Variants in OR2C1 observed in about 807,000 individuals in gnomAD.
OR2C1 encodes olfactory receptor family 2 subfamily C member 1.
For synonymous variants in OR2C1, 209 were observed against 167.3 expected (o/e 1.25, Z -1.92); for missense variants, 468 against 388.3 (o/e 1.21, Z -1.73).
At chr16:3,348,281 A>G in the OR2C1 span, among the ~76,000 whole-genome samples, 2 of 152,230 alleles carry the variant, frequency 1.3e-5, no homozygotes, top group Admixed American at 1.3e-4. Context: ...GCAGAGACCA[A>G]TGATGACAGT....
the OR2C1 span, among the ~76,000 whole-genome samples, chr16:3,325,873 A>G: frequency 6.6e-6 from 1 of 151,286 alleles, no homozygotes; most frequent in Non-Finnish European, 1.5e-5. Context: ...AGTATTAGTG[A>G]TGGAGATTAT....
chr16:3,343,209 T>C, the OR2C1 span, among the ~76,000 whole-genome samples: 1 of 152,158 alleles, frequency 6.6e-6, no homozygotes, highest in Non-Finnish European at 1.5e-5. Context: ...GAAATAAATA[T>C]ACCTATGCAC....
At chr16:3,332,237 TA>T in the OR2C1 span, among the ~76,000 whole-genome samples, 2 of 151,812 alleles carry the variant, frequency 1.3e-5, no homozygotes, top group Admixed American at 6.6e-5. Context: ...AATAATCAAT[TA>T]AAAAAATAAA....
chr16:3,354,703 C>A (rs2030630540), upstream of OR2C1, among the ~76,000 whole-genome samples: 1 of 152,198 alleles, frequency 6.6e-6, no homozygotes, highest in Non-Finnish European at 1.5e-5. Context: ...TTCTGGGGAG[C>A]TTTTCCAAAT....
chr16:3,348,760 A>T, the OR2C1 span, among the ~76,000 whole-genome samples: 12 of 152,178 alleles, frequency 7.9e-5, no homozygotes, highest in African/African-American at 2.7e-4. Context: ...CTTCTGTGAC[A>T]TCTAACGGCC....
the OR2C1 span, among the ~76,000 whole-genome samples, chr16:3,348,913 T>G: frequency 6.6e-6 from 1 of 152,068 alleles, no homozygotes; most frequent in African/African-American, 2.4e-5. Context: ...GGACTCCCCC[T>G]CTCTGCCCTT....
the OR2C1 span, among the ~76,000 whole-genome samples, chr16:3,333,211 A>ATTTTT: frequency 9.1e-5 from 6 of 65,846 alleles, no homozygotes; most frequent in Non-Finnish European, 1.7e-4. Flanking sequence ...TCTTTTGCCC[A>ATTTTT]TTTTTTTTTT....
At chr16:3,337,555 A>T in the OR2C1 span, among the ~76,000 whole-genome samples, 1 of 152,012 alleles carries the variant, frequency 6.6e-6, no homozygotes, top group East Asian at 1.9e-4. Flanking sequence ...TTAATTCGGC[A>T]AGTGTTATTT....
At chr16:3,338,423 T>C in the OR2C1 span, among the ~76,000 whole-genome samples, 1 of 152,028 alleles carries the variant, frequency 6.6e-6, no homozygotes, top group South Asian at 2.1e-4. Flanking sequence ...TAGGGGAGAT[T>C]TTTCCATGTG....
chr16:3,333,232 T>G, the OR2C1 span, among the ~76,000 whole-genome samples: 1,672 of 136,312 alleles, frequency 0.012, 89 homozygotes, highest in African/African-American at 0.042. Flanking sequence ...TTTTTTTTTT[T>G]TTTTTTTTTT....
the OR2C1 span, among the ~76,000 whole-genome samples, chr16:3,342,350 C>T: frequency 6.6e-6 from 1 of 152,138 alleles, no homozygotes; most frequent in Admixed American, 6.5e-5. Context: ...CAAAAAAGGT[C>T]AACATAGACC....
At chr16:3,350,346 C>T in the OR2C1 span, among the ~76,000 whole-genome samples, 2 of 151,060 alleles carry the variant, frequency 1.3e-5, no homozygotes, top group Non-Finnish European at 2.9e-5. Context: ...TGAGCCACCG[C>T]GCCCAGCCCA....
the OR2C1 span, among the ~76,000 whole-genome samples, chr16:3,333,228 T>TTTTG: frequency 1.6e-5 from 2 of 123,986 alleles, no homozygotes; most frequent in African/African-American, 6.8e-5. Flanking sequence ...TTTTTTTTTT[T>TTTTG]TTTTTTTTTT....
the OR2C1 span, chr16:3,323,488 C>G: frequency 7.7e-4 from 565 of 736,932 alleles, no homozygotes; most frequent in African/African-American, 5.2e-3. Context: ...CCCGGACAGA[C>G]TTCAGATTTG....
chr16:3,338,615 G>A, the OR2C1 span, among the ~76,000 whole-genome samples: 1 of 138,434 alleles, frequency 7.2e-6, no homozygotes, highest in Non-Finnish European at 1.5e-5. Context: ...TCGGCTCACT[G>A]CAAGCTCCGC....
At chr16:3,330,329 G>A in the OR2C1 span, among the ~76,000 whole-genome samples, 1 of 151,646 alleles carries the variant, frequency 6.6e-6, no homozygotes, top group Non-Finnish European at 1.5e-5. Flanking sequence ...TGTTATCCAG[G>A]ATGGTCTCGA....
chr16:3,325,460 A>AATATATATATAT, the OR2C1 span, among the ~76,000 whole-genome samples: 10 of 93,172 alleles, frequency 1.1e-4, no homozygotes, highest in Non-Finnish European at 1.8e-4. Flanking sequence ...TATGTCTAAA[A>AATATATATATAT]ATATATATAT....
chr16:3,323,655 C>A, the OR2C1 span: 1 of 701,422 alleles, frequency 1.4e-6, no homozygotes. Context: ...TTGCTGCATA[C>A]AACAAAGGCC....
the OR2C1 span, among the ~76,000 whole-genome samples, chr16:3,324,773 A>G: frequency 6.6e-6 from 1 of 152,306 alleles, no homozygotes; most frequent in South Asian, 2.1e-4. Flanking sequence ...ACACACGTAT[A>G]TATATGTACA....
Sources: gnomAD v4.1 joint callset for allele counts (sites outside exome capture counted in the v4.1 genomes callset) on GRCh38, gnomAD v4.1.1 for gene constraint, MANE v1.5 for transcripts, NCBI Gene and HGNC (gene_info 2026-07-23, HGNC 2026-07-21) for gene names.